The following WDR59 variants were observed in gnomAD, a reference collection of about 807,000 sequenced individuals.
WDR59 encodes the protein WD repeat domain 59.
WDR59 carries 100 observed loss-of-function variants against 131.2 expected under a neutral mutation model. The ratio of observed to expected loss-of-function variants is 0.76; its 90% CI spans 0.65 to 0.90. The LOEUF (loss-of-function observed/expected upper bound fraction) is 0.90, where lower values mean the gene tolerates loss of function less well. Among genes scored for constraint, WDR59 ranks in the 40% least tolerant of loss-of-function variants. WDR59 has a pLI of 0.00. For missense variants in WDR59, 1,203 were observed against 1,262.2 expected (o/e 0.95, Z 0.71); for synonymous variants, 601 against 466.2 (o/e 1.29, Z -3.72).
intron 13 of WDR59, among the ~76,000 whole-genome samples, chr16:74,913,994 A>G (rs56866345): frequency 1 from 151,744 of 152,346 alleles, 75,578 homozygotes; most frequent in Middle Eastern, 1. Context: ...ATCAACTGAC[A>G]TCAGGAGTTC....
intron 8 of WDR59, among the ~76,000 whole-genome samples, chr16:74,925,354 G>A (rs2030673507): frequency 6.6e-6 from 1 of 152,036 alleles, no homozygotes; most frequent in Non-Finnish European, 1.5e-5. Flanking sequence ...GACCAGCCTG[G>A]CCAACATGGC....
At chr16:74,984,750 G>A in intron 1 of WDR59, 2 of 620,154 alleles carry the variant, frequency 3.2e-6, no homozygotes, top group South Asian at 2.0e-5. Context: ...ACCCGCGTAG[G>A]GAGCCCCGAA....
rs965712875 is a variant in WDR59 at position 74,944,583 on chromosome 16, T to C, written c.446-1757A>G. Reference sequence around the variant, plus strand: ...ACGTGACTCCCTATCCCAAAGGGCATGAATAATGTGCCCCCTGAGAGATGG... The same window carrying C: ...ACGTGACTCCCTATCCCAAAGGGCACGAATAATGTGCCCCCTGAGAGATGG... On this transcript the variant is annotated intron_variant, in intron 6 of 25. Transcript: ENST00000262144. Among the ~76,000 whole-genome samples, 37 of 151,056 alleles carry C rather than the reference T, an allele frequency of 2.4e-4. 1 individual carries two copies. The highest frequency in any genetic ancestry group is 2.4e-3 in the Admixed American group (37 of 15,152).
chr16:74,981,639 TATA>T lies in WDR59; in HGVS notation c.54+3322_54+3324del, dbSNP rs2034418960. On this transcript the variant is annotated intron_variant, in intron 1 of 25. Coordinates refer to ENST00000262144, the MANE Select transcript of WDR59 (RefSeq NM_030581.4). ...ATATATATATATATATATATATATATATATATATATATATATATATATTTTTTT... is the reference window on the plus strand; with the variant it reads ...ATATATATATATATATATATATATATTATATATATATATATATATTTTTTT... Among the ~76,000 whole-genome samples the T allele has an allele frequency of 7.3e-5, 3 of 40,896 alleles. 1 individual carries two copies. The highest frequency in any genetic ancestry group is 3.9e-4 in the African/African-American group (3 of 7,792). The allele number at this position is 40,896 out of a possible 152,430, so 26.8% of individuals were successfully genotyped here. A position where few individuals can be genotyped will look rare whatever the true frequency, so the allele number is the denominator to read the frequency against.
intron 4 of WDR59, among the ~76,000 whole-genome samples, chr16:74,950,804 G>T (rs1432800514): frequency 3.3e-5 from 5 of 152,022 alleles, no homozygotes; most frequent in Non-Finnish European, 7.4e-5. Flanking sequence ...GTCCTCCCAG[G>T]CACCACTGAT....
chr16:74,940,267 T>C (rs961841616), intron 7 of WDR59, among the ~76,000 whole-genome samples: 2 of 151,604 alleles, frequency 1.3e-5, no homozygotes, highest in Non-Finnish European at 2.9e-5. Context: ...TAATCCCAGC[T>C]ACTCGGGAGG....
At chr16:74,890,297 T>C (rs1220842753) in intron 20 of WDR59, among the ~76,000 whole-genome samples, 1 of 152,132 alleles carries the variant, frequency 6.6e-6, no homozygotes, top group Non-Finnish European at 1.5e-5. Flanking sequence ...ATCACAGGCA[T>C]GTGCCACCAC....
chr16:74,900,726 A>G (rs192047337), intron 18 of WDR59, among the ~76,000 whole-genome samples: 10 of 152,382 alleles, frequency 6.6e-5, no homozygotes, highest in Admixed American at 2.6e-4. Context: ...GAACATAACA[A>G]TATAACCTAA....
chr16:74,942,608 A>G, intron 7 of WDR59, 130 bp downstream of exon 7: 1 of 818,224 alleles, frequency 1.2e-6, no homozygotes. Flanking sequence ...CTATGAGCTT[A>G]AAATGGTCAT....
rs768291894 is a variant in WDR59 at position 74,874,304 on chromosome 16, C to T, written c.2830G>A (p.Gly944Ser). ...SSNFCLTCGH[G>S]GHTSHMMEWF... ...TCCATCATGTGGCTGGTGTGGCCAC[C>T]GTGCCCACAGGTCAGGCAGAAATTG... Residue 944 changes from glycine (G) to serine (S), a missense_variant, in exon 26 of 26, where the codon GGT (glycine) becomes AGT (serine). Gly to Ser is a moderately conservative substitution (Grantham distance 56). Coordinates refer to ENST00000262144, the MANE Select transcript of WDR59 (RefSeq NM_030581.4). 1.4e-5 allele frequency: 22 copies of T among 1,613,988 alleles called. No homozygotes were observed. The highest frequency in any genetic ancestry group is 5.0e-5 in the Admixed American group (3 of 60,006).
intron 18 of WDR59, among the ~76,000 whole-genome samples, chr16:74,895,784 A>C (rs1183498066): frequency 2.6e-5 from 4 of 152,238 alleles, no homozygotes; most frequent in Non-Finnish European, 4.4e-5. Context: ...GATACGTTAA[A>C]GAGCAAATAA....
At chr16:74,977,499 T>C (rs1402984827) in intron 1 of WDR59, among the ~76,000 whole-genome samples, 1 of 151,754 alleles carries the variant, frequency 6.6e-6, no homozygotes, top group Non-Finnish European at 1.5e-5. Context: ...CCATCCTGAC[T>C]AACACGGTGA....
At chr16:74,981,651 T>TAC (rs2034427237) in intron 1 of WDR59, among the ~76,000 whole-genome samples, 5 of 6,004 alleles carry the variant, frequency 8.3e-4, no homozygotes, top group East Asian at 9.3e-3. Context: ...TATATATATA[T>TAC]ATATATATAT....
rs553143525 is a variant in WDR59 at position 74,981,734 on chromosome 16, C to G, written c.54+3230G>C. ...ACAGTGGTGAGATCTTGGCTCACTG[C>G]AACCTCTGCCTCCCAGGTTCAAGCT... is the stretch of plus-strand genomic sequence containing the variant. On this transcript the variant is annotated intron_variant, in intron 1 of 25. Transcript: ENST00000262144. Among the ~76,000 whole-genome samples the G allele has an allele frequency of 2.3e-5, 3 of 132,922 alleles. No individual in the cohort carries two copies. In the South Asian group the frequency reaches 7.5e-4, roughly 33 times the overall value. 87.2% of individuals were successfully genotyped at this position (132,922 alleles called of 152,430 possible).
chr16:74,886,511 G>A (rs772838796), intron 23 of WDR59, 115 bp from the exon 24 acceptor site: 69 of 1,357,978 alleles, frequency 5.1e-5, no homozygotes, highest in Non-Finnish European at 6.8e-5. Flanking sequence ...AATGTTAAGC[G>A]AGGCTGAATA....
intron 5 of WDR59, among the ~76,000 whole-genome samples, chr16:74,949,330 C>CAAAAAA (rs550013099): frequency 1.2e-4 from 5 of 42,596 alleles, no homozygotes; most frequent in Admixed American, 3.0e-4. Context: ...TACCTTGTCT[C>CAAAAAA]AAAAAAAAAA....
intron 1 of WDR59, among the ~76,000 whole-genome samples, chr16:74,969,553 G>A (rs970902924): frequency 4.0e-5 from 6 of 150,152 alleles, no homozygotes; most frequent in Non-Finnish European, 8.9e-5. Context: ...CTACAGGTGT[G>A]AGCCACTGCA....
chr16:74,943,347 T>C (rs547381671), intron 6 of WDR59, among the ~76,000 whole-genome samples: 34 of 152,102 alleles, frequency 2.2e-4, no homozygotes, highest in Non-Finnish European at 4.3e-4. Flanking sequence ...TCCTAAGGGT[T>C]ACATGCTCCC....
At chr16:74,914,952 G>GAA (rs1405126696) in intron 13 of WDR59, among the ~76,000 whole-genome samples, 1 of 152,146 alleles carries the variant, frequency 6.6e-6, no homozygotes, top group East Asian at 1.9e-4. Flanking sequence ...TTGGGTAAAG[G>GAA]AAAAACTAAT....
Sources: allele counts gnomAD v4.1 joint callset (sites outside exome capture counted in the v4.1 genomes callset), GRCh38; gene constraint gnomAD v4.1.1; transcripts MANE v1.5; gene names NCBI Gene and HGNC (gene_info 2026-07-23, HGNC 2026-07-21).